The following LIG1 variants were observed in gnomAD, a reference collection of about 807,000 sequenced individuals.
LIG1 encodes DNA ligase 1, also known as ligase I, DNA, ATP-dependent.
Under a neutral mutation model 115.7 loss-of-function variants are expected in LIG1, and 70 were observed. The ratio of observed to expected loss-of-function variants is 0.60; its 90% confidence interval spans 0.50 to 0.74. The LOEUF is 0.74. LIG1 is among the 30% of genes least tolerant of loss of function. LIG1 has a pLI of 0.00. For missense variants in LIG1, 1,115 were observed against 1,225.6 expected, an observed-to-expected ratio of 0.91 and a Z score of 1.35; for synonymous variants, 487 against 495.3, an observed-to-expected ratio of 0.98 and a Z score of 0.22.
chr19:48,142,113 C>T (rs2034799688), intron 11 of LIG1, among the ~76,000 whole-genome samples: 1 of 151,616 alleles, frequency 6.6e-6, no homozygotes. Flanking sequence ...ACCAGCCTGG[C>T]CAACATAGTG....
At chr19:48,164,188 T>C (rs1325763044) in intron 2 of LIG1, among the ~76,000 whole-genome samples, 35 of 152,102 alleles carry the variant, frequency 2.3e-4, no homozygotes, top group Non-Finnish European at 1.5e-5. Flanking sequence ...AATAAGAGGT[T>C]TATTTAATCT....
intron 23 of LIG1, 31 bp from the exon 24 acceptor site, chr19:48,121,353 G>A (rs1279725884): frequency 1.3e-6 from 2 of 1,569,772 alleles, no homozygotes; most frequent in South Asian, 1.2e-5. Context: ...AGATGAGAAG[G>A]GGGAGCGCCC....
At chr19:48,119,269 C>T (rs1368071525) in intron 24 of LIG1, 79 bp from the exon 25 acceptor site, 5 of 1,148,380 alleles carry the variant, frequency 4.4e-6, no homozygotes, top group African/African-American at 1.5e-5. Flanking sequence ...AAGCTGTGTA[C>T]ACTCATGGCC....
At chr19:48,143,786 G>A (rs904730066) in intron 10 of LIG1, 97 bp downstream of exon 10, 1 of 1,187,282 alleles carries the variant, frequency 8.4e-7, no homozygotes, top group East Asian at 2.3e-5. Flanking sequence ...ACAGGAGGGA[G>A]AGACTTGACC....
intron 12 of LIG1, 66 bp downstream of exon 12, chr19:48,139,905 T>A (rs566895594): frequency 2.6e-6 from 4 of 1,561,800 alleles, no homozygotes; most frequent in East Asian, 2.2e-5. Context: ...CCGATCCACC[T>A]GACCTCTGCA....
Position 48,137,594 on chromosome 19 carries a change from C to T in LIG1, c.1182G>A (p.Leu394=), listed in dbSNP as rs775948258. Residue 394 remains leucine (L), a synonymous_variant, in exon 13 of 28, where the codon CTG becomes CTA. Transcript: ENST00000263274. This position sits in a 1 kb window ranked among gnomAD's most constrained non-coding sequence, Gnocchi z 4.3. ...CGGAGGCAGTGAGCGGAGGTGGTGGCAGCATGAGCCTCTGGGTGCTGCGGC... is the reference window on the plus strand; with the variant it reads ...CGGAGGCAGTGAGCGGAGGTGGTGGTAGCATGAGCCTCTGGGTGCTGCGGC... The part of the protein sequence containing the change: ...ENSRSTQRLM[L]PPPPLTASGV... 1.2e-6 allele frequency: 2 copies of T among 1,613,096 alleles called. No homozygotes were observed. The highest frequency in any genetic ancestry group is 8.5e-7 in the Non-Finnish European group (1 of 1,180,006).
chr19:48,143,524 G>T lies in LIG1; in HGVS notation c.914+19C>A. On this transcript the variant is annotated intron_variant, in intron 11 of 27. Transcript: ENST00000263274. Reference sequence around the variant, plus strand: ...CAGAAGCGACCCCGCCCCCCACCCAGGCAGTCCTCATTAGTTACCGAGCAG... The same window carrying T: ...CAGAAGCGACCCCGCCCCCCACCCATGCAGTCCTCATTAGTTACCGAGCAG... 6.8e-7 allele frequency: 1 copy of T among 1,475,326 alleles called. No individual in the cohort carries two copies. Among genetic ancestry groups the T allele is most frequent in the Non-Finnish European group, 9.3e-7 (1 of 1,069,922 alleles). 91.4% of individuals were successfully genotyped at this position (1,475,326 alleles called of 1,614,324 possible).
Position 48,137,444 on chromosome 19 carries a change from AGAAGCCTTCCTGACACAC to A in LIG1, c.1254+60_1254+77del, listed in dbSNP as rs1296078645. 9.6e-6 allele frequency: 15 copies of A among 1,567,544 alleles called. No homozygotes were observed. The highest frequency in any genetic ancestry group is 1.3e-5 in the Non-Finnish European group (15 of 1,157,222). ...ATGCGACCCAGCTGATGGTCTACCCAGAAGCCTTCCTGACACACGCGTGGCCTCAGGTCCCCAAGATGT... is the reference window on the plus strand; with the variant it reads ...ATGCGACCCAGCTGATGGTCTACCCAGCGTGGCCTCAGGTCCCCAAGATGT... On this transcript the variant is annotated intron_variant, in intron 13 of 27. Transcript: ENST00000263274. This position sits in a 1 kb window ranked among gnomAD's most constrained non-coding sequence, Gnocchi z 4.3.
chr19:48,149,681 C>T (rs559721640), intron 9 of LIG1, 82 bp downstream of exon 9: 11 of 1,094,448 alleles, frequency 1.0e-5, no homozygotes, highest in Middle Eastern at 2.0e-4. Flanking sequence ...GAGGAGGAAG[C>T]CTGAGCTGGG....
rs3730936 is a variant in LIG1 at position 48,143,518 on chromosome 19, C to G, written c.914+25G>C. 5.3e-3 allele frequency: 3,153 copies of G among 594,074 alleles called. 44 individuals are homozygous for G. Among genetic ancestry groups the G allele is most frequent in the East Asian group, 0.03 (688 of 22,782 alleles). The allele number at this position is 594,074 out of a possible 1,614,324, so 36.8% of individuals were successfully genotyped here. On this transcript the variant is annotated intron_variant, in intron 11 of 27. Coordinates refer to ENST00000263274, the MANE Select transcript of LIG1 (RefSeq NM_000234.3). ...CAGACCCAGAAGCGACCCCGCCCCC[C>G]ACCCAGGCAGTCCTCATTAGTTACC...
At chr19:48,155,767 T>C (rs1487682033) in intron 5 of LIG1, among the ~76,000 whole-genome samples, 2 of 152,198 alleles carry the variant, frequency 1.3e-5, no homozygotes, top group Admixed American at 1.3e-4. Flanking sequence ...ACATCTCAAG[T>C]TGGACACCAG....
chr19:48,151,790 G>A (rs1370248923), intron 6 of LIG1, among the ~76,000 whole-genome samples: 1 of 136,310 alleles, frequency 7.3e-6, no homozygotes, highest in African/African-American at 2.8e-5. Flanking sequence ...AAGCAAGGCA[G>A]CGACCTTGAG....
chr19:48,165,563 G>A lies in LIG1; in HGVS notation c.4C>T (p.Gln2Ter). The A allele has an allele frequency of 5.0e-6, 8 of 1,613,132 alleles. No homozygotes were observed. The highest frequency in any genetic ancestry group is 6.8e-6 in the Non-Finnish European group (8 of 1,179,116). Residue 2 changes from glutamine (Q) to a stop codon, truncating the protein, a stop_gained, in exon 2 of 28, where the codon CAG becomes TAG. Transcript: ENST00000263274. LOFTEE classifies it high-confidence loss of function. M[Q>*]RSIMSFFHPK... is the part of the protein sequence containing the mutation. ...GAGGGTGCTCACATGATACTTCGCT[G>A]CATGTTGGCGTCAGAATTCTCCCTT... is the stretch of plus-strand genomic sequence containing the variant.
rs200174656 is a variant in LIG1 at position 48,161,516 on chromosome 19, T to C, written c.108-9A>G. 7.4e-5 allele frequency: 119 copies of C among 1,613,616 alleles called. 1 individual carries two copies. The East Asian group carries it at 1.2e-3, about 16-fold the overall frequency. ...ACTCCTTCAGTGCCGCCCTGGAAGG[T>C]GGGGAAATGGGGGTGTAAAGGGGCG... On this transcript the variant is annotated splice_polypyrimidine_tract_variant and intron_variant, in intron 3 of 27. Transcript: ENST00000263274.
At chr19:48,146,628 T>A (rs1217786985) in intron 9 of LIG1, among the ~76,000 whole-genome samples, 1 of 151,944 alleles carries the variant, frequency 6.6e-6, no homozygotes, top group Non-Finnish European at 1.5e-5. Flanking sequence ...CGCGGTGAGC[T>A]GAAATCGTGC....
chr19:48,117,973 G>A (rs1434840418), intron 25 of LIG1, 192 bp from the exon 26 acceptor site: 1 of 629,384 alleles, frequency 1.6e-6, no homozygotes, highest in Admixed American at 2.8e-5. Flanking sequence ...AAGAGAAACA[G>A]AAAGTGAAAG....
At chr19:48,158,955 A>C (rs2036012038) in intron 4 of LIG1, among the ~76,000 whole-genome samples, 1 of 152,180 alleles carries the variant, frequency 6.6e-6, no homozygotes, top group Non-Finnish European at 1.5e-5. Flanking sequence ...TTCTCTTTTT[A>C]GCCCTTCAGT....
At chr19:48,159,882 TA>T (rs1407766245) in intron 4 of LIG1, among the ~76,000 whole-genome samples, 3 of 152,146 alleles carry the variant, frequency 2.0e-5, no homozygotes, top group Non-Finnish European at 4.4e-5. Context: ...CACGCCCAGC[TA>T]ATTTTTTGTA....
At chr19:48,123,491 T>C (rs2033444003) in intron 21 of LIG1, 173 bp from the exon 22 acceptor site, 4 of 745,042 alleles carry the variant, frequency 5.4e-6, no homozygotes, top group South Asian at 5.1e-5. Context: ...GCTTAAAGCA[T>C]GGGGCTAGTC....
Sources: allele counts gnomAD v4.1 joint callset (sites outside exome capture counted in the v4.1 genomes callset), GRCh38; gene constraint gnomAD v4.1.1; non-coding constraint Gnocchi (gnomAD v3.1); transcripts MANE v1.5; gene names NCBI Gene and HGNC (gene_info 2026-07-23, HGNC 2026-07-21).